SPTLC1: variants seen among roughly 807,000 people sequenced by gnomAD.
SPTLC1 encodes serine palmitoyltransferase long chain base subunit 1.
A neutral mutation model predicts 68.9 loss-of-function variants in SPTLC1; 55 were observed. That is an observed-to-expected ratio of 0.80 (90% CI 0.64 to 1.00). The LOEUF is 1.00. SPTLC1 is among the 50% of genes least tolerant of loss of function. SPTLC1 has a pLI of 0.00. For synonymous variants in SPTLC1, 197 were observed against 201.6 expected (o/e 0.98, Z 0.19); for missense variants, 449 against 573.1 (o/e 0.78, Z 2.21).
chr9:92,085,198 G>A (rs1484335012), intron 3 of SPTLC1, among the ~76,000 whole-genome samples: 1 of 150,688 alleles, frequency 6.6e-6, no homozygotes, highest in Non-Finnish European at 1.5e-5. Context: ...ACCAGCTCCT[G>A]GATTCATTAA....
At chr9:92,071,614 C>A (rs1834494490) in intron 5 of SPTLC1, among the ~76,000 whole-genome samples, 1 of 152,180 alleles carries the variant, frequency 6.6e-6, no homozygotes, top group African/African-American at 2.4e-5. Context: ...AAACCATGAT[C>A]CCATGACTGG....
intron 5 of SPTLC1, among the ~76,000 whole-genome samples, chr9:92,069,375 T>C (rs1834403269): frequency 6.6e-6 from 1 of 152,230 alleles, no homozygotes; most frequent in African/African-American, 2.4e-5. Context: ...CCATTACCAA[T>C]TGGTTATAGT....
intron 14 of SPTLC1, among the ~76,000 whole-genome samples, chr9:92,033,398 C>A (rs1349222042): frequency 1.3e-5 from 2 of 152,210 alleles, no homozygotes; most frequent in Non-Finnish European, 2.9e-5. Context: ...CTACCTCTGT[C>A]CCCCAGAGTT....
At chr9:92,035,817 C>A (rs1002422308) in intron 13 of SPTLC1, among the ~76,000 whole-genome samples, 6 of 152,226 alleles carry the variant, frequency 3.9e-5, no homozygotes, top group African/African-American at 1.4e-4. Context: ...TAGGCAATGA[C>A]AACAGCCTCC....
intron 14 of SPTLC1, 104 bp downstream of exon 14, chr9:92,034,706 T>C (rs959218749): frequency 7.8e-6 from 7 of 893,512 alleles, no homozygotes; most frequent in Non-Finnish European, 1.3e-5. Flanking sequence ...ACAGATATTC[T>C]TCCATAGCCT....
At chr9:92,034,976 T>A in intron 13 of SPTLC1, 93 bp from the exon 14 acceptor site, 1 of 1,009,890 alleles carries the variant, frequency 9.9e-7, no homozygotes, top group Non-Finnish European at 1.6e-6. Flanking sequence ...ACGGTAGCTT[T>A]AATTCACTTT....
intron 8 of SPTLC1, among the ~76,000 whole-genome samples, chr9:92,054,910 C>CG (rs1199935951): frequency 2.7e-5 from 4 of 149,544 alleles, no homozygotes; most frequent in African/African-American, 9.8e-5. Flanking sequence ...GACTGTCTTG[C>CG]GGGGGAGAAA....
intron 5 of SPTLC1, among the ~76,000 whole-genome samples, chr9:92,071,840 C>T (rs1471074197): frequency 6.6e-6 from 1 of 152,172 alleles, no homozygotes; most frequent in Non-Finnish European, 1.5e-5. Flanking sequence ...GGGCATTCTA[C>T]CATTGTAACA....
At chr9:92,087,275 A>G (rs1351358475) in intron 3 of SPTLC1, among the ~76,000 whole-genome samples, 1 of 152,002 alleles carries the variant, frequency 6.6e-6, no homozygotes, top group Non-Finnish European at 1.5e-5. Flanking sequence ...GCTTTGTTCC[A>G]TTGCTTGTGA....
At chr9:92,055,634 A>G in intron 7 of SPTLC1, 140 bp from the exon 8 acceptor site, 2 of 869,022 alleles carry the variant, frequency 2.3e-6, no homozygotes, top group Non-Finnish European at 3.7e-6. Context: ...AGTGTTTGTG[A>G]TGGGTTATTT....
chr9:92,052,674 C>T (rs540820950), intron 8 of SPTLC1, among the ~76,000 whole-genome samples: 11 of 151,912 alleles, frequency 7.2e-5, no homozygotes, highest in Middle Eastern at 3.4e-3. Flanking sequence ...GGATTACAGG[C>T]GTGTACCACC....
intron 12 of SPTLC1, among the ~76,000 whole-genome samples, chr9:92,039,176 C>T (rs186668013): frequency 1.6e-4 from 25 of 152,140 alleles, no homozygotes; most frequent in African/African-American, 6.0e-4. Flanking sequence ...ACCAAACATA[C>T]CTTATATTTT....
chr9:92,110,432 G>A (rs1337172308), intron 2 of SPTLC1: 1 of 152,024 alleles, frequency 6.6e-6, no homozygotes, highest in East Asian at 1.9e-4. Context: ...CTAATAATCA[G>A]TACAACCCTT....
At chr9:92,063,868 A>G (rs1834188424) in intron 6 of SPTLC1, among the ~76,000 whole-genome samples, 1 of 152,206 alleles carries the variant, frequency 6.6e-6, no homozygotes, top group Non-Finnish European at 1.5e-5. Context: ...TGAATGTAAT[A>G]AAGAGCATCT....
chr9:92,111,132 A>G (rs550976903), intron 2 of SPTLC1: 1 of 152,212 alleles, frequency 6.6e-6, no homozygotes, highest in Non-Finnish European at 1.5e-5. Context: ...CCTTATGGAA[A>G]AAAACTCCGT....
intron 2 of SPTLC1, 119 bp downstream of exon 2, chr9:92,112,336 T>A: frequency 1.4e-6 from 1 of 719,840 alleles, no homozygotes; most frequent in Non-Finnish European, 2.4e-6. Flanking sequence ...CCCCTTGATT[T>A]CCTTACATTA....
chr9:92,088,269 G>C (rs557100110), intron 3 of SPTLC1, among the ~76,000 whole-genome samples: 23 of 152,250 alleles, frequency 1.5e-4, no homozygotes, highest in Non-Finnish European at 2.5e-4. Flanking sequence ...TGCGCCCACT[G>C]TCTGGCACTC....
At chr9:92,103,812 G>A (rs1268820726) in intron 3 of SPTLC1, among the ~76,000 whole-genome samples, 2 of 152,182 alleles carry the variant, frequency 1.3e-5, no homozygotes, top group African/African-American at 2.4e-5. Context: ...TAACCCGGGG[G>A]ACAGGGCCGT....
chr9:92,032,689 A>C (rs1028758526), intron 14 of SPTLC1, 131 bp from the exon 15 acceptor site: 3 of 1,191,378 alleles, frequency 2.5e-6, no homozygotes, highest in Non-Finnish European at 3.6e-6. Flanking sequence ...ATCCTGGCTA[A>C]CACAGTGAAA....
Sources: allele counts gnomAD v4.1 joint callset (sites outside exome capture counted in the v4.1 genomes callset), GRCh38; gene constraint gnomAD v4.1.1; transcripts MANE v1.5; gene names NCBI Gene and HGNC (gene_info 2026-07-23, HGNC 2026-07-21).